CLVS1: variants seen among roughly 807,000 people sequenced by gnomAD.
CLVS1 encodes the protein clavesin-1.
A neutral mutation model predicts 33.1 loss-of-function variants in CLVS1; 10 were observed. That is an observed-to-expected ratio of 0.30 (90% CI 0.19 to 0.51). The LOEUF (loss-of-function observed/expected upper bound fraction) is 0.51, where lower values mean the gene tolerates loss of function less well. Ranked by LOEUF, CLVS1 falls within the 20% of genes least tolerant of loss-of-function variation. The pLI, the probability that CLVS1 is intolerant of heterozygous loss-of-function variation, is 0.97. For missense variants in CLVS1, 343 were observed against 433.4 expected (o/e 0.79, Z 1.85); for synonymous variants, 163 against 166.1 (o/e 0.98, Z 0.14).
the CLVS1 span, among the ~76,000 whole-genome samples, chr8:61,008,217 A>T: frequency 7.5e-3 from 1,059 of 141,844 alleles, 39 homozygotes; most frequent in Admixed American, 0.07. Context: ...ACAGTCCTCC[A>T]CATTTAAGCT....
At chr8:61,254,047 G>A (rs535749789) in intron 2 of CLVS1, among the ~76,000 whole-genome samples, 5 of 152,202 alleles carry the variant, frequency 3.3e-5, no homozygotes, top group African/African-American at 1.2e-4. Context: ...CCATCTTTGT[G>A]GTTTTATCTA....
At chr8:61,429,220 G>C (rs1425251454) in intron 3 of CLVS1, among the ~76,000 whole-genome samples, 1 of 152,020 alleles carries the variant, frequency 6.6e-6, no homozygotes, top group African/African-American at 2.4e-5. Flanking sequence ...AGGAGTTCAA[G>C]ACCAGCCTGG....
chr8:61,450,953 C>T (rs35328313), intron 3 of CLVS1, among the ~76,000 whole-genome samples: 1 of 152,074 alleles, frequency 6.6e-6, no homozygotes, highest in Admixed American at 6.5e-5. Flanking sequence ...ACTTTCGGAG[C>T]CAGCTTTAAG....
chr8:61,016,450 A>G, the CLVS1 span, among the ~76,000 whole-genome samples: 1 of 152,218 alleles, frequency 6.6e-6, no homozygotes, highest in Non-Finnish European at 1.5e-5. Flanking sequence ...GTCTGACATT[A>G]TGACTAGAGG....
chr8:61,235,153 C>A (rs1234863980), intron 2 of CLVS1, among the ~76,000 whole-genome samples: 3 of 131,902 alleles, frequency 2.3e-5, no homozygotes. Flanking sequence ...TTCCTTTAAG[C>A]AATTGCTGGT....
chr8:61,254,866 C>G (rs1809040937), intron 2 of CLVS1, among the ~76,000 whole-genome samples: 1 of 152,200 alleles, frequency 6.6e-6, no homozygotes, highest in Non-Finnish European at 1.5e-5. Flanking sequence ...CCTTGAACTT[C>G]CCGGGTGAGG....
intron 1 of CLVS1, chr8:61,292,577 T>C: frequency 3.0e-6 from 1 of 329,076 alleles, no homozygotes; most frequent in Non-Finnish European, 6.0e-6. Context: ...TTGTTTGTTT[T>C]CCTTTCTCTT....
intron 2 of CLVS1, among the ~76,000 whole-genome samples, chr8:61,271,241 C>T (rs1390775783): frequency 5.3e-5 from 8 of 150,312 alleles, no homozygotes; most frequent in African/African-American, 2.0e-4. Context: ...TTTCAAAGAA[C>T]ATCTTTATTT....
At chr8:61,498,413 A>G (rs868227231) in intron 5 of CLVS1, among the ~76,000 whole-genome samples, 2 of 152,190 alleles carry the variant, frequency 1.3e-5, no homozygotes, top group African/African-American at 4.8e-5. Context: ...CGAGTTAACA[A>G]TTTACTGCAC....
chr8:61,220,914 T>C (rs1208795114), intron 2 of CLVS1, among the ~76,000 whole-genome samples: 1 of 152,182 alleles, frequency 6.6e-6, no homozygotes, highest in Non-Finnish European at 1.5e-5. Context: ...TTTATTCTCT[T>C]TGTAGTGCTT....
At chr8:61,399,152 A>C (rs1814650612) in intron 3 of CLVS1, among the ~76,000 whole-genome samples, 1 of 152,146 alleles carries the variant, frequency 6.6e-6, no homozygotes, top group Admixed American at 6.5e-5. Flanking sequence ...GGTTGAACTA[A>C]TTTACACTCC....
At chr8:61,015,011 C>A in the CLVS1 span, among the ~76,000 whole-genome samples, 2 of 152,332 alleles carry the variant, frequency 1.3e-5, no homozygotes, top group African/African-American at 4.8e-5. Flanking sequence ...GCCACAATGA[C>A]CCAGAAGTGT....
chr8:61,199,591 T>TCA (rs761604385), intron 2 of CLVS1, among the ~76,000 whole-genome samples: 133 of 152,192 alleles, frequency 8.7e-4, no homozygotes, highest in Non-Finnish European at 1.5e-3. Context: ...GGCCCAAAAA[T>TCA]CAGAAAACAA....
chr8:61,408,854 G>A (rs1224347594), intron 3 of CLVS1, among the ~76,000 whole-genome samples: 9 of 152,156 alleles, frequency 5.9e-5, no homozygotes, highest in Admixed American at 5.2e-4. Flanking sequence ...AAAACACTCA[G>A]TGCATTAAGA....
intron 2 of CLVS1, among the ~76,000 whole-genome samples, chr8:61,142,759 G>A (rs1806331334): frequency 6.6e-6 from 1 of 152,132 alleles, no homozygotes; most frequent in Admixed American, 6.5e-5. Context: ...GGAGGAGGGG[G>A]AAACAGATAC....
intron 1 of CLVS1, among the ~76,000 whole-genome samples, chr8:61,297,677 C>G (rs768862817): frequency 1.3e-5 from 2 of 152,084 alleles, no homozygotes; most frequent in Non-Finnish European, 2.9e-5. Flanking sequence ...GAGCTACGGA[C>G]TGATGTTGTA....
At chr8:61,099,199 G>A (rs1053253185) in intron 1 of CLVS1, among the ~76,000 whole-genome samples, 1 of 152,098 alleles carries the variant, frequency 6.6e-6, no homozygotes, top group Non-Finnish European at 1.5e-5. Context: ...TCACATGGAC[G>A]TCATTGTCGT....
intron 5 of CLVS1, among the ~76,000 whole-genome samples, chr8:61,477,940 C>G (rs1217699256): frequency 6.6e-6 from 1 of 152,196 alleles, no homozygotes; most frequent in Non-Finnish European, 1.5e-5. Flanking sequence ...GCATTTAGTG[C>G]TATAAATTTC....
intron 2 of CLVS1, among the ~76,000 whole-genome samples, chr8:61,373,042 G>T (rs1563522279): frequency 1.3e-5 from 2 of 152,148 alleles, no homozygotes; most frequent in African/African-American, 2.4e-5. Flanking sequence ...GGAGTGGGGA[G>T]TTATGCTCCA....
Sources: allele counts gnomAD v4.1 joint callset (sites outside exome capture counted in the v4.1 genomes callset), GRCh38; gene constraint gnomAD v4.1.1; transcripts MANE v1.5; gene names NCBI Gene and HGNC (gene_info 2026-07-23, HGNC 2026-07-21).